TCF3: variants seen among roughly 807,000 people sequenced by gnomAD.
The protein encoded by TCF3 is transcription factor 3.
TCF3 carries 54 observed loss-of-function variants against 72.3 expected under a neutral mutation model. The observed-to-expected ratio is 0.75, with a 90% CI of 0.60 to 0.94. The LOEUF is 0.94. TCF3 is among the 40% of genes least tolerant of loss of function. The pLI is 0.00. For synonymous variants in TCF3, 525 were observed against 412.6 expected, an observed-to-expected ratio of 1.27 and a Z score of -3.30; for missense variants, 1,078 against 934.4, an observed-to-expected ratio of 1.15 and a Z score of -2.00.
chr19:1,641,494 C>G (rs150987408), intron 3 of TCF3, among the ~76,000 whole-genome samples: 1 of 152,134 alleles, frequency 6.6e-6, no homozygotes. Flanking sequence ...CCTCTGTCCC[C>G]GAGGCCAGAG....
intron 16 of TCF3, among the ~76,000 whole-genome samples, chr19:1,617,141 A>T (rs2061630163): frequency 1.3e-5 from 2 of 152,368 alleles, no homozygotes; most frequent in Middle Eastern, 6.8e-3. Context: ...GAACAGTCAA[A>T]ATCTTGCCTG....
intron 3 of TCF3, among the ~76,000 whole-genome samples, chr19:1,642,912 G>C (rs1161926165): frequency 6.6e-6 from 1 of 152,210 alleles, no homozygotes; most frequent in Admixed American, 6.5e-5. Context: ...CCGTTCTGTG[G>C]ATTTTCACTC....
At chr19:1,650,013 C>T (rs989717211) in intron 2 of TCF3, among the ~76,000 whole-genome samples, 164 bp downstream of exon 2, 2 of 152,132 alleles carry the variant, frequency 1.3e-5, no homozygotes, top group Admixed American at 1.3e-4. Flanking sequence ...CGCTGTCAGC[C>T]TCCTGCCAGA....
Position 1,622,168 on chromosome 19 carries a change from G to A in TCF3, c.708C>T (p.Phe236=), listed in dbSNP as rs781348605. ...ATGAGCCCCCACCCAGCATGGGCCC[G>A]AAGCCCGCCTGGCCCGGGGGACTCC... ...ELWSPPGQAG[F]GPMLGGGSSP... Residue 236 remains phenylalanine, a synonymous_variant, in exon 10 of 19, where the codon TTC becomes TTT. Transcript: ENST00000262965. 46 of 1,573,406 alleles carry A rather than the reference G, an allele frequency of 2.9e-5. No homozygotes were observed. The highest frequency in any genetic ancestry group is 4.6e-5 in the South Asian group (4 of 86,384).
chr19:1,650,130 T>G (rs759070048), intron 2 of TCF3, 47 bp downstream of exon 2: 56 of 1,494,970 alleles, frequency 3.7e-5, no homozygotes, highest in African/African-American at 5.6e-5. Flanking sequence ...TCCCGTGAAC[T>G]GTGGAGGCAA....
At chr19:1,642,411 C>G (rs547514482) in intron 3 of TCF3, among the ~76,000 whole-genome samples, 26 of 152,280 alleles carry the variant, frequency 1.7e-4, no homozygotes, top group African/African-American at 6.0e-4. Flanking sequence ...CGCAGCACCA[C>G]GGGTGGGCGG....
rs377067150 is a variant in TCF3, at chr19:1,622,331, C to G, written c.634G>C (p.Ala212Pro). Reference protein sequence around the residue: ...SAKTPSSTYPAPFYVADGSLH... With the variant: ...SAKTPSSTYPPPFYVADGSLH... ...CATGTACCTGCCACGTAGAAGGGGG[C>G]GGGATAGGTGCTGCTGGGGGTCTTG... The change falls in exon 9 of 19, where the codon GCC becomes CCC. Residue 212 changes from alanine (A) to proline (P), a missense_variant. Coordinates refer to ENST00000262965, the MANE Select transcript of TCF3 (RefSeq NM_003200.5). 5.0e-6 allele frequency: 7 copies of G among 1,410,434 alleles called. No individual in the cohort carries two copies. The highest frequency in any genetic ancestry group is 4.7e-6 in the Non-Finnish European group (5 of 1,062,626). 87.4% of individuals were successfully genotyped at this position (1,410,434 alleles called of 1,614,324 possible).
At chr19:1,632,269 A>G (rs2063802877) in intron 4 of TCF3, 63 bp downstream of exon 4, 2 of 1,548,792 alleles carry the variant, frequency 1.3e-6, no homozygotes, top group Middle Eastern at 1.7e-4. Context: ...GTTTCCCCAC[A>G]CCCCTCGCCC....
intron 3 of TCF3, among the ~76,000 whole-genome samples, chr19:1,636,484 A>C (rs1340446542): frequency 1.3e-5 from 2 of 151,938 alleles, no homozygotes; most frequent in East Asian, 3.9e-4. Context: ...TTTTTTGTAG[A>C]GATGGGGTCT....
At chr19:1,636,554 T>G (rs1243481440) in intron 3 of TCF3, among the ~76,000 whole-genome samples, 1 of 152,202 alleles carries the variant, frequency 6.6e-6, no homozygotes, top group Non-Finnish European at 1.5e-5. Context: ...CCACCTTGTA[T>G]TTCCCAAAGC....
At chr19:1,648,871 C>T (rs1267462652) in intron 2 of TCF3, among the ~76,000 whole-genome samples, 2 of 143,708 alleles carry the variant, frequency 1.4e-5, no homozygotes, top group African/African-American at 5.2e-5. Context: ...CCAGAAGAAA[C>T]AAACCAAGGT....
At chr19:1,637,195 G>A (rs1220715207) in intron 3 of TCF3, among the ~76,000 whole-genome samples, 1 of 151,698 alleles carries the variant, frequency 6.6e-6, no homozygotes, top group Non-Finnish European at 1.5e-5. Flanking sequence ...CCAGAACCAG[G>A]GGCGCCTCGC....
chr19:1,652,053 G>A (rs1053242481), intron 1 of TCF3, among the ~76,000 whole-genome samples: 3 of 149,568 alleles, frequency 2.0e-5, no homozygotes, highest in Non-Finnish European at 3.0e-5. Context: ...AAAGTTTCCC[G>A]AAGTGCCCGG....
rs2060928606 is a variant in TCF3, at chr19:1,610,869, C to A, written c.*838G>T. On this transcript the variant is annotated 3_prime_UTR_variant, in exon 19 of 19. Coordinates refer to ENST00000262965, the MANE Select transcript of TCF3 (RefSeq NM_003200.5). ...ACAAAACCAAGAGAACCCCCAACAT[C>A]AAAAAAACAAAAGACCCGCCGCCTG... 2.5e-5 allele frequency: 4 copies of A among 159,478 alleles called. No individual in the cohort carries two copies. The highest frequency in any genetic ancestry group is 1.1e-4 in the Admixed American group (1 of 9,422). 9.9% of individuals were successfully genotyped at this position (159,478 alleles called of 1,614,324 possible).
chr19:1,615,470 C>G lies in TCF3; in HGVS notation c.1637G>C (p.Arg546Pro). The G allele has an allele frequency of 6.2e-7, 1 of 1,612,190 alleles. No homozygotes were observed. Among genetic ancestry groups the G allele is most frequent in the Non-Finnish European group, 8.5e-7 (1 of 1,179,954 alleles). ...DLLPPEQKAE[R>P]EKERRVANNA... ...ATTGGCCACCCGGCGCTCCTTCTCC[C>G]GCTCGGCCTTCTGCTCTGGGGGGAG... Residue 546 changes from arginine (R) to proline (P), a missense_variant, in exon 18 of 19, where the codon CGG becomes CCG. Transcript: ENST00000262965. The surrounding 1 kb of genome is among the most constrained non-coding windows in gnomAD (Gnocchi z 7.3).
chr19:1,612,178 G>A, intron 18 of TCF3: 3 of 1,549,598 alleles, frequency 1.9e-6, no homozygotes, highest in South Asian at 1.2e-5. Context: ...GGGAGAGGGT[G>A]CTGGGGCAGC....
intron 3 of TCF3, among the ~76,000 whole-genome samples, chr19:1,641,093 C>CGG: frequency 6.9e-6 from 1 of 144,746 alleles, no homozygotes; most frequent in East Asian, 2.1e-4. Context: ...GAGGCGGAGG[C>CGG]GGAGGTTGCA....
intron 8 of TCF3, among the ~76,000 whole-genome samples, chr19:1,623,232 G>A (rs1416270717): frequency 2.6e-5 from 4 of 152,032 alleles, no homozygotes; most frequent in Admixed American, 6.6e-5. Context: ...CCAGGGAATC[G>A]GCAAATTCCC....
At position 1,615,923 on chromosome 19, in the gene TCF3, C is replaced by G; in HGVS notation, c.1451-102G>C. On this transcript the variant is annotated intron_variant, in intron 16 of 18. Transcript: ENST00000262965. The surrounding 1 kb of genome is among the most constrained non-coding windows in gnomAD (Gnocchi z 7.3). Reference sequence around the variant, plus strand: ...AGGGACTTGGGCTTTCCTGGAAAAACCAGGTCTTGGCCAAAAATAAAAACA... The same window carrying G: ...AGGGACTTGGGCTTTCCTGGAAAAAGCAGGTCTTGGCCAAAAATAAAAACA... The G allele has an allele frequency of 2.1e-6, 3 of 1,408,450 alleles. No homozygotes were observed. Among genetic ancestry groups the G allele is most frequent in the East Asian group, 2.4e-5 (1 of 41,396 alleles). The allele number at this position is 1,408,450 out of a possible 1,614,324, so 87.2% of individuals were successfully genotyped here.
Sources: gnomAD v4.1 joint callset for allele counts (sites outside exome capture counted in the v4.1 genomes callset) on GRCh38, gnomAD v4.1.1 for gene constraint, Gnocchi (gnomAD v3.1) non-coding constraint, MANE v1.5 for transcripts, NCBI Gene and HGNC (gene_info 2026-07-23, HGNC 2026-07-21) for gene names.